SORCS1: variants seen among roughly 807,000 people sequenced by gnomAD.
The protein encoded by SORCS1 is sortilin related VPS10 domain containing receptor 1.
SORCS1 carries 60 observed loss-of-function variants against 146.1 expected under a neutral mutation model. The ratio of observed to expected loss-of-function variants is 0.41; its 90% CI spans 0.33 to 0.51. The LOEUF is 0.51. Ranked by LOEUF, SORCS1 falls within the 20% of genes least tolerant of loss-of-function variation. SORCS1 has a pLI of 0.21. For missense variants in SORCS1, 1,352 were observed against 1,487.6 expected, an observed-to-expected ratio of 0.91 and a Z score of 1.50; for synonymous variants, 637 against 584.0, an observed-to-expected ratio of 1.09 and a Z score of -1.31.
In SORCS1 at chr10:107,070,006, T is replaced by C. The variant is rs575388752; in HGVS notation, c.558+93963A>G. 2.6e-5 allele frequency among the ~76,000 whole-genome samples: 4 copies of C among 152,304 alleles called. No homozygotes were observed. The South Asian group carries it at 6.2e-4, about 24-fold the overall frequency. ...CTAATTCCCCAGCCCCTGAAAACCA[T>C]GAATCTACTTTCTGTCTGTATTCTT... On this transcript the variant is annotated intron_variant, in intron 1 of 25. Coordinates refer to ENST00000263054, the MANE Select transcript of SORCS1 (RefSeq NM_052918.5).
At chr10:106,909,883 T>C (rs150551749) in intron 2 of SORCS1, among the ~76,000 whole-genome samples, 239 of 152,286 alleles carry the variant, frequency 1.6e-3, no homozygotes, top group African/African-American at 5.6e-3. Context: ...GCTATGCATG[T>C]GGTTGCTGAT....
At chr10:107,011,218 C>T (rs955624564) in intron 1 of SORCS1, among the ~76,000 whole-genome samples, 20 of 152,328 alleles carry the variant, frequency 1.3e-4, no homozygotes, top group East Asian at 1.2e-3. Context: ...TTTAGACCCA[C>T]TCTCCCTTTC....
At chr10:107,105,907 T>C (rs953746577) in intron 1 of SORCS1, among the ~76,000 whole-genome samples, 3 of 152,144 alleles carry the variant, frequency 2.0e-5, no homozygotes, top group Admixed American at 6.5e-5. Flanking sequence ...GAGAATGTAG[T>C]GATCAGGAAG....
intron 5 of SORCS1, among the ~76,000 whole-genome samples, chr10:106,753,415 G>C (rs112647453): frequency 4.5e-4 from 69 of 152,184 alleles, no homozygotes; most frequent in African/African-American, 1.6e-3. Context: ...TGGTGACCTC[G>C]TGTGTATATA....
In SORCS1 at chr10:106,795,248, T is replaced by A. The variant is rs563616475; in HGVS notation, c.727-18556A>T. ...CTACAGCAAGAAGAGTCGAAGATAA[T>A]TTGTCAAATGTATTCAAAGATATAA... On this transcript the variant is annotated intron_variant, in intron 3 of 25. Coordinates refer to ENST00000263054, the MANE Select transcript of SORCS1 (RefSeq NM_052918.5). 9.2e-5 allele frequency among the ~76,000 whole-genome samples: 14 copies of A among 152,352 alleles called. No individual in the cohort carries two copies. The South Asian group carries it at 2.9e-3, about 32-fold the overall frequency.
intron 3 of SORCS1, among the ~76,000 whole-genome samples, chr10:106,812,479 T>C (rs915674910): frequency 2.0e-5 from 3 of 152,224 alleles, no homozygotes; most frequent in African/African-American, 7.2e-5. Context: ...TAAATACCAC[T>C]TAGCTCAAAA....
At chr10:106,851,044 C>G (rs560841914) in intron 2 of SORCS1, among the ~76,000 whole-genome samples, 431 of 152,326 alleles carry the variant, frequency 2.8e-3, no homozygotes, top group Non-Finnish European at 4.3e-3. Context: ...CTACCTTAAT[C>G]CTAGCCACCT....
In SORCS1 at chr10:106,732,553, C is replaced by G. The variant is rs530943743; in HGVS notation, c.960-2439G>C. ...CATGTTGTTCAACTGTCCACCTTGC[C>G]TTAAGTTTCATCCTTGAAATGACTA... On this transcript the variant is annotated intron_variant, in intron 5 of 25. Transcript: ENST00000263054. Among the ~76,000 whole-genome samples the G allele has an allele frequency of 2.6e-5, 4 of 152,272 alleles. No individual in the cohort carries two copies. The South Asian group carries it at 8.3e-4, about 32-fold the overall frequency.
chr10:107,167,939 CCTA>C (rs1032467681), upstream of SORCS1, among the ~76,000 whole-genome samples: 59 of 152,028 alleles, frequency 3.9e-4, 1 homozygote, highest in African/African-American at 1.4e-3. Context: ...GACACTCTGC[CCTA>C]CAAGGCAGCA....
intron 18 of SORCS1, among the ~76,000 whole-genome samples, chr10:106,633,015 A>G (rs1310066443): frequency 6.6e-6 from 1 of 152,182 alleles, no homozygotes; most frequent in African/African-American, 2.4e-5. Context: ...GAAGAAATTA[A>G]AAAAGAAGGA....
intron 1 of SORCS1, among the ~76,000 whole-genome samples, chr10:106,961,713 G>T (rs145553718): frequency 1.3e-5 from 2 of 152,132 alleles, no homozygotes; most frequent in Non-Finnish European, 2.9e-5. Flanking sequence ...ACTCCCACCA[G>T]TGCCATGACA....
chr10:106,711,133 T>A (rs973126618), intron 6 of SORCS1, among the ~76,000 whole-genome samples: 2 of 152,342 alleles, frequency 1.3e-5, no homozygotes, highest in Middle Eastern at 3.4e-3. Flanking sequence ...TTCACTGTTG[T>A]GTCCACCAGA....
chr10:106,612,981 C>T (rs1336422806), intron 21 of SORCS1, among the ~76,000 whole-genome samples: 1 of 149,070 alleles, frequency 6.7e-6, no homozygotes, highest in Non-Finnish European at 1.5e-5. Flanking sequence ...TCACTACCCT[C>T]CCCCGGCTCA....
chr10:107,020,932 G>A (rs1421401247), intron 1 of SORCS1, among the ~76,000 whole-genome samples: 3 of 151,918 alleles, frequency 2.0e-5, no homozygotes, highest in Admixed American at 6.6e-5. Context: ...TAGATATAGA[G>A]CATTCATTTG....
chr10:107,101,085 G>C (rs1964891665), intron 1 of SORCS1, among the ~76,000 whole-genome samples: 1 of 152,008 alleles, frequency 6.6e-6, no homozygotes, highest in Non-Finnish European at 1.5e-5. Context: ...TGGAGACCAA[G>C]TTTCACTCTC....
At chr10:107,117,395 C>T (rs1430503786) in intron 1 of SORCS1, among the ~76,000 whole-genome samples, 1 of 152,176 alleles carries the variant, frequency 6.6e-6, no homozygotes, top group Non-Finnish European at 1.5e-5. Context: ...GGACTGCTTT[C>T]TCAGGTTCAA....
intron 4 of SORCS1, among the ~76,000 whole-genome samples, chr10:106,771,101 C>T (rs1355283473): frequency 2.6e-5 from 4 of 152,236 alleles, no homozygotes; most frequent in Admixed American, 6.5e-5. Flanking sequence ...CACAACATGG[C>T]ACTCTCCCCT....
intron 1 of SORCS1, among the ~76,000 whole-genome samples, chr10:107,036,561 A>G (rs1398046385): frequency 1.3e-5 from 2 of 152,190 alleles, no homozygotes; most frequent in Admixed American, 1.3e-4. Flanking sequence ...CACCAAGCCT[A>G]GAGGTGATCT....
chr10:106,713,862 C>A (rs1052100528), intron 6 of SORCS1, among the ~76,000 whole-genome samples: 44 of 151,940 alleles, frequency 2.9e-4, no homozygotes, highest in Non-Finnish European at 5.6e-4. Flanking sequence ...CCCCAAGATA[C>A]AAAATAAGAA....
Sources: gnomAD v4.1 joint callset for allele counts (sites outside exome capture counted in the v4.1 genomes callset) on GRCh38, gnomAD v4.1.1 for gene constraint, MANE v1.5 for transcripts, NCBI Gene and HGNC (gene_info 2026-07-23, HGNC 2026-07-21) for gene names.